The following WDR70 variants were observed in gnomAD, a reference collection of about 807,000 sequenced individuals.
WDR70 encodes the protein WD repeat-containing protein 70.
WDR70 carries 53 observed loss-of-function variants against 88.6 expected under a neutral mutation model. That is an observed-to-expected ratio of 0.60 (90% CI 0.48 to 0.75). WDR70 has a LOEUF of 0.75. Ranked by LOEUF, WDR70 falls within the 30% of genes least tolerant of loss-of-function variation. The pLI is 0.00. For missense variants in WDR70, 610 were observed against 823.2 expected, an observed-to-expected ratio of 0.74 and a Z score of 3.17; for synonymous variants, 280 against 270.0, an observed-to-expected ratio of 1.04 and a Z score of -0.36.
At chr5:37,489,757 G>C (rs1031252259) in intron 8 of WDR70, among the ~76,000 whole-genome samples, 2 of 151,962 alleles carry the variant, frequency 1.3e-5, no homozygotes, top group African/African-American at 4.8e-5. Flanking sequence ...GTCTAGGGTG[G>C]TGTGGTAGGG....
intron 5 of WDR70, among the ~76,000 whole-genome samples, chr5:37,396,853 G>A (rs538814973): frequency 2.0e-5 from 3 of 152,102 alleles, no homozygotes; most frequent in South Asian, 4.1e-4. Context: ...AAACCAAACC[G>A]AGGAAAAAGG....
intron 5 of WDR70, among the ~76,000 whole-genome samples, chr5:37,410,210 T>C (rs1749483030): frequency 6.7e-6 from 1 of 150,290 alleles, no homozygotes; most frequent in African/African-American, 2.5e-5. Context: ...TTTTTTTTTT[T>C]TTTTCTTTTT....
intron 4 of WDR70, among the ~76,000 whole-genome samples, chr5:37,393,338 C>T (rs556090224): frequency 1.8e-4 from 27 of 152,278 alleles, no homozygotes; most frequent in South Asian, 1.2e-3. Context: ...CCGCGCCCAG[C>T]GTTATTATTC....
At chr5:37,392,586 T>C (rs1748870994) in intron 4 of WDR70, among the ~76,000 whole-genome samples, 1 of 151,988 alleles carries the variant, frequency 6.6e-6, no homozygotes, top group African/African-American at 2.4e-5. Flanking sequence ...TGACATGATC[T>C]GTCCGCCTCA....
At chr5:37,467,864 G>C (rs1581308783) in intron 7 of WDR70, among the ~76,000 whole-genome samples, 1 of 152,028 alleles carries the variant, frequency 6.6e-6, no homozygotes, top group African/African-American at 2.4e-5. Context: ...ACAGGCGCCC[G>C]CCACCGCGCC....
At chr5:37,733,846 T>G (rs1748225037) in intron 17 of WDR70, among the ~76,000 whole-genome samples, 1 of 152,034 alleles carries the variant, frequency 6.6e-6, no homozygotes, top group African/African-American at 2.4e-5. Flanking sequence ...GTAGTACTTT[T>G]AAGTTTTCTT....
intron 10 of WDR70, among the ~76,000 whole-genome samples, chr5:37,648,297 G>C (rs1369692245): frequency 2.0e-4 from 31 of 151,986 alleles, no homozygotes; most frequent in Admixed American, 2.0e-3. Context: ...TACCTGTTTT[G>C]GCTGGGTTCT....
At chr5:37,610,029 G>A (rs1744142220) in intron 10 of WDR70, among the ~76,000 whole-genome samples, 5 of 152,180 alleles carry the variant, frequency 3.3e-5, no homozygotes. Flanking sequence ...GGTGGCCCAT[G>A]CCTGCAATCC....
At chr5:37,547,353 G>T (rs1239687483) in intron 9 of WDR70, among the ~76,000 whole-genome samples, 1 of 152,112 alleles carries the variant, frequency 6.6e-6, no homozygotes, top group African/African-American at 2.4e-5. Context: ...TTTCTGCAAA[G>T]ACTTGCATAT....
intron 7 of WDR70, among the ~76,000 whole-genome samples, chr5:37,452,440 A>G (rs1448249237): frequency 6.6e-6 from 1 of 151,898 alleles, no homozygotes; most frequent in African/African-American, 2.4e-5. Context: ...TAATTTTTGT[A>G]TTTTTAGTAG....
At chr5:37,468,909 G>A (rs1485197479) in intron 7 of WDR70, among the ~76,000 whole-genome samples, 1 of 152,148 alleles carries the variant, frequency 6.6e-6, no homozygotes, top group Non-Finnish European at 1.5e-5. Context: ...TGCAAATACT[G>A]TGTCATTTTA....
At chr5:37,554,335 T>G (rs1742235630) in intron 9 of WDR70, among the ~76,000 whole-genome samples, 1 of 152,154 alleles carries the variant, frequency 6.6e-6, no homozygotes, top group Non-Finnish European at 1.5e-5. Context: ...GCTGGCCTAC[T>G]GTCTTACAGA....
At chr5:37,716,236 A>T (rs1293927218) in intron 13 of WDR70, among the ~76,000 whole-genome samples, 1 of 152,308 alleles carries the variant, frequency 6.6e-6, no homozygotes, top group Non-Finnish European at 1.5e-5. Flanking sequence ...TAAAGTTATG[A>T]AGGCTGTTGG....
chr5:37,602,723 A>T (rs1171982147), intron 9 of WDR70, among the ~76,000 whole-genome samples: 1 of 152,166 alleles, frequency 6.6e-6, no homozygotes, highest in Non-Finnish European at 1.5e-5. Flanking sequence ...TCATGCCTGT[A>T]ATCCCAGCAC....
At chr5:37,407,730 T>C (rs1749396353) in intron 5 of WDR70, among the ~76,000 whole-genome samples, 2 of 151,934 alleles carry the variant, frequency 1.3e-5, no homozygotes, top group Admixed American at 6.6e-5. Context: ...GGTCTTGCCA[T>C]GTTGCCTAGG....
intron 12 of WDR70, 121 bp downstream of exon 12, chr5:37,701,263 G>T: frequency 3.2e-6 from 2 of 618,268 alleles, no homozygotes; most frequent in South Asian, 2.6e-5. Flanking sequence ...TTGAGAGAGT[G>T]ATCAAAATCT....
intron 9 of WDR70, among the ~76,000 whole-genome samples, chr5:37,580,215 T>C (rs1323199120): frequency 6.6e-6 from 1 of 152,260 alleles, no homozygotes; most frequent in Non-Finnish European, 1.5e-5. Context: ...CAAATTAAGA[T>C]AGTTTATTTG....
At chr5:37,746,653 A>G (rs1308374634) in intron 17 of WDR70, among the ~76,000 whole-genome samples, 1 of 152,210 alleles carries the variant, frequency 6.6e-6, no homozygotes, top group Non-Finnish European at 1.5e-5. Flanking sequence ...CTGAGCAAAT[A>G]AACTAGAAAA....
At chr5:37,541,364 A>G (rs892200040) in intron 9 of WDR70, among the ~76,000 whole-genome samples, 2 of 152,208 alleles carry the variant, frequency 1.3e-5, no homozygotes, top group African/African-American at 4.8e-5. Flanking sequence ...TGGCAGAGAC[A>G]GGGAGGCACT....
Sources: gnomAD v4.1 joint callset for allele counts (sites outside exome capture counted in the v4.1 genomes callset) on GRCh38, gnomAD v4.1.1 for gene constraint, MANE v1.5 for transcripts, NCBI Gene and HGNC (gene_info 2026-07-23, HGNC 2026-07-21) for gene names.